RARB: variants seen among roughly 807,000 people sequenced by gnomAD.
RARB encodes HBV-activated protein.
A neutral mutation model predicts 51.9 loss-of-function variants in RARB; 17 were observed. The ratio of observed to expected loss-of-function variants is 0.33; its 90% CI spans 0.22 to 0.49. The LOEUF is 0.49. Ranked by LOEUF, RARB falls within the 20% of genes least tolerant of loss-of-function variation. RARB has a pLI of 0.99. For synonymous variants in RARB, 215 were observed against 195.4 expected (o/e 1.10, Z -0.84); for missense variants, 369 against 550.8 (o/e 0.67, Z 3.30).
chr3:25,445,622 G>A (rs1045331735), intron 1 of RARB, among the ~76,000 whole-genome samples: 6 of 152,110 alleles, frequency 3.9e-5, no homozygotes, highest in Admixed American at 6.5e-5. Flanking sequence ...AGCCGAGGTC[G>A]CGCCACTGCA....
At chr3:25,435,753 G>A (rs1708407023) in intron 1 of RARB, among the ~76,000 whole-genome samples, 1 of 152,084 alleles carries the variant, frequency 6.6e-6, no homozygotes, top group African/African-American at 2.4e-5. Flanking sequence ...ATTTACATCA[G>A]ATAAACAACA....
chr3:25,333,051 T>G (rs528986791), intron 5 of RARB, among the ~76,000 whole-genome samples: 1 of 152,230 alleles, frequency 6.6e-6, no homozygotes, highest in East Asian at 1.9e-4. Context: ...GGAAGAACAC[T>G]CCATGCTCAT....
At chr3:24,883,013 T>A (rs1263421863) in intron 2 of RARB, among the ~76,000 whole-genome samples, 1 of 152,074 alleles carries the variant, frequency 6.6e-6, no homozygotes, top group African/African-American at 2.4e-5. Flanking sequence ...CGTGCAGCAC[T>A]AAGGGGAGCT....
chr3:24,992,726 A>G (rs1018606154), intron 2 of RARB, among the ~76,000 whole-genome samples: 6 of 151,912 alleles, frequency 3.9e-5, no homozygotes, highest in African/African-American at 7.3e-5. Context: ...TGTGTATCCT[A>G]ATTTCCTCTT....
At chr3:25,201,504 G>A (rs1701388661) in intron 5 of RARB, among the ~76,000 whole-genome samples, 1 of 152,134 alleles carries the variant, frequency 6.6e-6, no homozygotes, top group Non-Finnish European at 1.5e-5. Context: ...TCCCTGTCTT[G>A]TGCCAGTTTT....
chr3:24,951,055 G>A (rs1232758602), intron 2 of RARB, among the ~76,000 whole-genome samples: 1 of 152,160 alleles, frequency 6.6e-6, no homozygotes, highest in African/African-American at 2.4e-5. Context: ...AGGGATCTCT[G>A]GGAGTACTTC....
intron 2 of RARB, among the ~76,000 whole-genome samples, chr3:25,013,289 C>G (rs1697436814): frequency 6.6e-6 from 1 of 152,084 alleles, no homozygotes; most frequent in African/African-American, 2.4e-5. Context: ...TTATGTCAAC[C>G]TGGGAACCAC....
intron 2 of RARB, among the ~76,000 whole-genome samples, chr3:25,478,065 T>A (rs1436570789): frequency 1.3e-5 from 2 of 152,150 alleles, no homozygotes; most frequent in Non-Finnish European, 2.9e-5. Flanking sequence ...GTCTCAGAGT[T>A]GTCAGACCTA....
chr3:25,122,584 G>A (rs1699801189), intron 3 of RARB, among the ~76,000 whole-genome samples: 1 of 152,110 alleles, frequency 6.6e-6, no homozygotes, highest in Admixed American at 6.6e-5. Flanking sequence ...AGTATGAGGG[G>A]GACAAGTTAG....
In RARB at chr3:25,597,810, G is replaced by GTGATGTACTT. The variant is rs1553638421; in HGVS notation, c.*1195_*1196insGATGTACTTT. ...TTTGATATATTAGCAAGTCTGTGAT[G>GTGATGTACTT]TACTTTCACTGGCTCTGTTTGTACA... On this transcript the variant is annotated 3_prime_UTR_variant, in exon 8 of 8. Coordinates refer to ENST00000330688, the MANE Select transcript of RARB (RefSeq NM_000965.5). 1 of 152,030 alleles carries GTGATGTACTT rather than the reference G, an allele frequency of 6.6e-6. No homozygotes were observed. Among genetic ancestry groups the GTGATGTACTT allele is most frequent in the Non-Finnish European group, 1.5e-5 (1 of 67,974 alleles). 9.4% of individuals were successfully genotyped at this position (152,030 alleles called of 1,614,324 possible).
chr3:25,008,437 T>C (rs1270823205), intron 2 of RARB, among the ~76,000 whole-genome samples: 1 of 152,140 alleles, frequency 6.6e-6, no homozygotes, highest in Non-Finnish European at 1.5e-5. Context: ...AGCTCTTAAG[T>C]ACAGTTCAGT....
intron 3 of RARB, among the ~76,000 whole-genome samples, chr3:25,062,213 G>T (rs1052019016): frequency 1.3e-5 from 2 of 151,656 alleles, no homozygotes; most frequent in Non-Finnish European, 3.0e-5. Flanking sequence ...AAGAAATAGC[G>T]ACGGCCAGTA....
chr3:25,147,082 G>C (rs1369340425), intron 4 of RARB, among the ~76,000 whole-genome samples: 1 of 152,126 alleles, frequency 6.6e-6, no homozygotes, highest in Non-Finnish European at 1.5e-5. Flanking sequence ...GCCAGGGTGG[G>C]GAATAGATGT....
intron 3 of RARB, among the ~76,000 whole-genome samples, chr3:25,077,109 T>A (rs569624661): frequency 1.3e-5 from 2 of 152,240 alleles, no homozygotes; most frequent in Non-Finnish European, 2.9e-5. Context: ...CCTCCCCATA[T>A]GGTCAAACCC....
At chr3:25,578,766 C>G (rs1701051874) in intron 4 of RARB, among the ~76,000 whole-genome samples, 1 of 152,192 alleles carries the variant, frequency 6.6e-6, no homozygotes, top group African/African-American at 2.4e-5. Flanking sequence ...GTCTGTGGCA[C>G]CTCGTGCAAA....
At chr3:25,523,038 T>C (rs1031645216) in intron 3 of RARB, among the ~76,000 whole-genome samples, 1 of 152,352 alleles carries the variant, frequency 6.6e-6, no homozygotes, top group African/African-American at 2.4e-5. Context: ...CAACTATGTG[T>C]TTATTGTAAT....
intron 5 of RARB, among the ~76,000 whole-genome samples, chr3:25,183,310 C>T (rs1159339787): frequency 6.6e-6 from 1 of 152,018 alleles, no homozygotes; most frequent in Non-Finnish European, 1.5e-5. Flanking sequence ...CTGTCTTTAT[C>T]CTGACAGCTA....
chr3:25,231,482 A>G (rs6550958), intron 5 of RARB, among the ~76,000 whole-genome samples: 121,784 of 152,044 alleles, frequency 0.8, 49,058 homozygotes, highest in East Asian at 0.85. Flanking sequence ...CTCTTTGTTA[A>G]GAAGCAATCA....
chr3:24,883,078 C>T (rs901412288), intron 2 of RARB, among the ~76,000 whole-genome samples: 1 of 152,122 alleles, frequency 6.6e-6, no homozygotes, highest in Non-Finnish European at 1.5e-5. Flanking sequence ...TTGTGACATT[C>T]ATTGTAGAGT....
Sources: allele counts gnomAD v4.1 joint callset (sites outside exome capture counted in the v4.1 genomes callset), GRCh38; gene constraint gnomAD v4.1.1; transcripts MANE v1.5; gene names NCBI Gene and HGNC (gene_info 2026-07-23, HGNC 2026-07-21).